Variants in EBF2 observed in about 807,000 individuals in gnomAD.
EBF2 encodes transcription factor COE2.
In EBF2, 21 loss-of-function variants were observed where a neutral mutation model predicts 72.8. The ratio of observed to expected loss-of-function variants is 0.29; its 90% CI spans 0.20 to 0.42. The LOEUF is 0.42. Among genes scored for constraint, EBF2 ranks in the 10% least tolerant of loss-of-function variants. EBF2 has a pLI of 1.00. For synonymous variants in EBF2, 299 were observed against 274.2 expected, an observed-to-expected ratio of 1.09 and a Z score of -0.89; for missense variants, 637 against 731.2, an observed-to-expected ratio of 0.87 and a Z score of 1.49.
intron 10 of EBF2, among the ~76,000 whole-genome samples, chr8:25,884,405 A>T (rs559679009): frequency 1.2e-4 from 19 of 152,280 alleles, no homozygotes; most frequent in African/African-American, 4.3e-4. Flanking sequence ...AGGAGAGAAG[A>T]GGGGATGGAT....
intron 6 of EBF2, among the ~76,000 whole-genome samples, chr8:25,991,571 T>C (rs970010925): frequency 2.0e-5 from 3 of 152,178 alleles, no homozygotes; most frequent in African/African-American, 4.8e-5. Context: ...GACTGCCGGG[T>C]GCAGTGGCTC....
intron 7 of EBF2, among the ~76,000 whole-genome samples, chr8:25,891,578 G>A (rs7018135): frequency 0.071 from 10,525 of 148,498 alleles, 1,267 homozygotes; most frequent in African/African-American, 0.25. Context: ...TGATCCTGTC[G>A]TATTTTTTTT....
At chr8:25,932,140 T>A (rs779074781) in intron 6 of EBF2, among the ~76,000 whole-genome samples, 4 of 152,124 alleles carry the variant, frequency 2.6e-5, no homozygotes, top group Non-Finnish European at 5.9e-5. Flanking sequence ...GCAGAAGACC[T>A]GGGTTCTAGT....
At chr8:25,955,365 G>A (rs565953816) in intron 6 of EBF2, among the ~76,000 whole-genome samples, 2 of 152,344 alleles carry the variant, frequency 1.3e-5, no homozygotes, top group African/African-American at 4.8e-5. Flanking sequence ...CCTAAATTCA[G>A]GTGGGGGCCT....
chr8:25,925,566 T>A (rs2117139304), intron 6 of EBF2, among the ~76,000 whole-genome samples: 1 of 152,328 alleles, frequency 6.6e-6, no homozygotes, highest in Non-Finnish European at 1.5e-5. Flanking sequence ...CTTCAGCCAA[T>A]CGTCATGAAT....
chr8:25,844,792 G>T, intron 15 of EBF2, 152 bp from the exon 16 acceptor site: 1 of 964,570 alleles, frequency 1.0e-6, no homozygotes, highest in Non-Finnish European at 1.6e-6. Context: ...TGTTCTCCAG[G>T]TTTGGTCTAG....
chr8:25,948,477 T>G (rs1803807493), intron 6 of EBF2, among the ~76,000 whole-genome samples: 1 of 152,160 alleles, frequency 6.6e-6, no homozygotes. Context: ...AGAGTCCCAC[T>G]CTAATTATAC....
intron 6 of EBF2, among the ~76,000 whole-genome samples, chr8:25,952,162 G>A (rs964121402): frequency 3.3e-5 from 5 of 152,058 alleles, no homozygotes; most frequent in African/African-American, 1.2e-4. Context: ...CATGCATGGT[G>A]GCTTGTGACT....
rs552897820 is a variant in EBF2, at chr8:26,034,497, A to G, written c.483-1344T>C. ...CAGAAAGTACTCCCTAGGACCTGAG[A>G]GGGGTGCAAAACACTCCAGTCCAAA... On this transcript the variant is annotated intron_variant, in intron 5 of 15. Coordinates refer to ENST00000520164, the MANE Select transcript of EBF2 (RefSeq NM_022659.4). Among the ~76,000 whole-genome samples the G allele has an allele frequency of 2.6e-5, 4 of 152,318 alleles. No individual in the cohort carries two copies. The East Asian group carries it at 7.7e-4, about 29-fold the overall frequency.
rs372842071 is a variant in EBF2, at chr8:25,850,792, A to G, written c.1529-31T>C. 8.0e-4 allele frequency: 1,233 copies of G among 1,542,482 alleles called. 1 individual carries two copies. Among genetic ancestry groups the G allele is most frequent in the Non-Finnish European group, 9.8e-4 (1,126 of 1,154,438 alleles). On this transcript the variant is annotated intron_variant, in intron 14 of 15. Transcript: ENST00000520164. ...AAGCAAATGCACAATCCTCATTTAG[A>G]AATTAAGATCTTCCTTCAGTTCACA...
At chr8:25,995,814 A>G (rs1238606468) in intron 6 of EBF2, among the ~76,000 whole-genome samples, 3 of 152,040 alleles carry the variant, frequency 2.0e-5, no homozygotes, top group Non-Finnish European at 4.4e-5. Context: ...AGCTAATTTT[A>G]TAATAATAAA....
At chr8:26,024,799 C>T (rs968984967) in intron 6 of EBF2, among the ~76,000 whole-genome samples, 2 of 152,086 alleles carry the variant, frequency 1.3e-5, no homozygotes, top group Admixed American at 1.3e-4. Context: ...TATGTGGGCA[C>T]CTTACATGAA....
At chr8:25,884,891 C>T (rs1366854111) in intron 10 of EBF2, among the ~76,000 whole-genome samples, 1 of 152,170 alleles carries the variant, frequency 6.6e-6, no homozygotes, top group Non-Finnish European at 1.5e-5. Context: ...CAGACATTGA[C>T]ACTTTAACAA....
chr8:26,044,665 G>GCA lies in EBF2; in HGVS notation c.131+62_131+63dup, dbSNP rs1805671816. 1.3e-6 allele frequency: 2 copies of GCA among 1,563,470 alleles called. No individual in the cohort carries two copies. Among genetic ancestry groups the GCA allele is most frequent in the Non-Finnish European group, 1.7e-6 (2 of 1,148,596 alleles). On this transcript the variant is annotated intron_variant, in intron 1 of 15. Coordinates refer to ENST00000520164, the MANE Select transcript of EBF2 (RefSeq NM_022659.4). The surrounding 1 kb of genome is among the most constrained non-coding windows in gnomAD (Gnocchi z 4.1). ...AAGGCACGGGGTGCGCGGGGGGGGT[G>GCA]CACACGGAGAGACAGACCGTAAGAG...
intron 14 of EBF2, among the ~76,000 whole-genome samples, chr8:25,857,561 C>T (rs950828694): frequency 6.6e-6 from 1 of 152,152 alleles, no homozygotes; most frequent in African/African-American, 2.4e-5. Context: ...AAAATATTCC[C>T]TAGGTAGGTT....
intron 6 of EBF2, among the ~76,000 whole-genome samples, chr8:25,963,524 G>C (rs1201599065): frequency 6.6e-6 from 1 of 151,964 alleles, no homozygotes; most frequent in Admixed American, 6.6e-5. Context: ...CCTCTTACGG[G>C]GTGTGATAGA....
chr8:25,948,658 C>CTTCT (rs1803810649), intron 6 of EBF2, among the ~76,000 whole-genome samples: 1 of 152,198 alleles, frequency 6.6e-6, no homozygotes, highest in Non-Finnish European at 1.5e-5. Context: ...AATGACAGAA[C>CTTCT]AGAACCATGA....
chr8:25,867,712 T>C (rs1462198891), intron 10 of EBF2, among the ~76,000 whole-genome samples: 3 of 152,220 alleles, frequency 2.0e-5, no homozygotes, highest in Admixed American at 1.3e-4. Context: ...TGGCCTGAGA[T>C]TCAGCTTTAA....
At chr8:25,998,424 T>C (rs1804671515) in intron 6 of EBF2, among the ~76,000 whole-genome samples, 1 of 152,056 alleles carries the variant, frequency 6.6e-6, no homozygotes. Context: ...AGAAGGAATG[T>C]CCAACTCTGA....
Sources: allele counts gnomAD v4.1 joint callset (sites outside exome capture counted in the v4.1 genomes callset), GRCh38; gene constraint gnomAD v4.1.1; non-coding constraint Gnocchi (gnomAD v3.1); transcripts MANE v1.5; gene names NCBI Gene and HGNC (gene_info 2026-07-23, HGNC 2026-07-21).